The following B3GAT2 variants were observed in gnomAD, a reference collection of about 807,000 sequenced individuals.
B3GAT2 encodes the protein galactosylgalactosylxylosylprotein 3-beta-glucuronosyltransferase 2.
In B3GAT2, 26 loss-of-function variants were observed where a neutral mutation model predicts 27.8. That is an observed-to-expected ratio of 0.93 (90% CI 0.68 to 1.30). The LOEUF (loss-of-function observed/expected upper bound fraction) is 1.30. B3GAT2 is among the 50% of genes most tolerant of loss of function. The probability of loss-of-function intolerance (pLI) is 0.00; values close to 1 mark genes in which losing one functional copy is unlikely to be tolerated. For missense variants in B3GAT2, 458 were observed against 459.0 expected (o/e 1.00, Z 0.02); for synonymous variants, 218 against 195.1 (o/e 1.12, Z -0.98).
chr6:70,878,089 TAC>T (rs1485476688), intron 2 of B3GAT2, among the ~76,000 whole-genome samples: 1 of 152,248 alleles, frequency 6.6e-6, no homozygotes, highest in Non-Finnish European at 1.5e-5. Flanking sequence ...TATGGCCTGA[TAC>T]AGTTTCAATT....
chr6:70,947,430 C>A (rs1765507863), intron 1 of B3GAT2, among the ~76,000 whole-genome samples: 1 of 152,112 alleles, frequency 6.6e-6, no homozygotes, highest in Non-Finnish European at 1.5e-5. Context: ...ATAGAAACTA[C>A]CATCAGAGAA....
In B3GAT2 at chr6:70,956,990, G is replaced by C. The variant is rs1300190307; in HGVS notation, c.-561C>G. The C allele has an allele frequency of 3.0e-6, 3 of 999,532 alleles. No individual in the cohort carries two copies. The highest frequency in any genetic ancestry group is 3.6e-6 in the Non-Finnish European group (3 of 839,878). 61.9% of individuals were successfully genotyped at this position (999,532 alleles called of 1,614,324 possible). ...TGGGGGTTGTGTCCCGGCTGTGTTC[G>C]CGCGCCGCAGCGGAAGCCTGCTCTC... On this transcript the variant is annotated 5_prime_UTR_variant, in exon 1 of 4. Transcript: ENST00000230053.
chr6:70,920,288 A>C (rs1052002799), intron 1 of B3GAT2, among the ~76,000 whole-genome samples: 1 of 152,154 alleles, frequency 6.6e-6, no homozygotes, highest in Non-Finnish European at 1.5e-5. Context: ...AAAGTGCAGT[A>C]TTTGAGCAGG....
At chr6:70,870,814 A>G (rs2150023509) in intron 2 of B3GAT2, among the ~76,000 whole-genome samples, 1 of 152,230 alleles carries the variant, frequency 6.6e-6, no homozygotes, top group South Asian at 2.1e-4. Flanking sequence ...ATCTTGTCTT[A>G]TTCTTGATCT....
At chr6:70,940,058 G>A (rs975027590) in intron 1 of B3GAT2, among the ~76,000 whole-genome samples, 1 of 151,968 alleles carries the variant, frequency 6.6e-6, no homozygotes. Context: ...AACTGAAATG[G>A]AGGGTACAGG....
Position 70,859,166 on chromosome 6 carries a change from C to T in B3GAT2, c.*2497G>A. The T allele has an allele frequency of 1.9e-6, 1 of 525,942 alleles. No individual in the cohort carries two copies. Among genetic ancestry groups the T allele is most frequent in the Non-Finnish European group, 3.4e-6 (1 of 297,216 alleles). The allele number at this position is 525,942 out of a possible 1,614,324, so 32.6% of individuals were successfully genotyped here. On this transcript the variant is annotated 3_prime_UTR_variant, in exon 4 of 4. Coordinates refer to ENST00000230053, the MANE Select transcript of B3GAT2 (RefSeq NM_080742.3). The stretch of plus-strand genomic sequence containing the variant: ...ATATCACAGTTAATTTTGCTACCAC[C>T]ATTTACAAGAATATAGGTAAAACAT...
chr6:70,861,953 A>C lies in B3GAT2; in HGVS notation c.762T>G (p.Ile254Met). The C allele has an allele frequency of 1.2e-6, 2 of 1,613,516 alleles. No individual in the cohort carries two copies. The highest frequency in any genetic ancestry group is 1.7e-6 in the Non-Finnish European group (2 of 1,179,564). The change falls in exon 3 of 4, where the codon ATT becomes ATG. Residue 254 changes from isoleucine to methionine, a missense_variant. Physicochemically the swap from Ile to Met is conservative, Grantham distance 10 (BLOSUM62 1). Transcript: ENST00000230053. ...MAGFAVSLQVILSNPKAVFKR... is the reference protein window; with the variant it reads ...MAGFAVSLQVMLSNPKAVFKR... Reference sequence around the variant, plus strand: ...TAAATACAGCTTTTGGATTGGACAAAATGACTTGAAGACTTACAGCAAATC... The same window carrying C: ...TAAATACAGCTTTTGGATTGGACAACATGACTTGAAGACTTACAGCAAATC...
At chr6:70,943,700 T>TA (rs1765428085) in intron 1 of B3GAT2, among the ~76,000 whole-genome samples, 1 of 152,208 alleles carries the variant, frequency 6.6e-6, no homozygotes, top group African/African-American at 2.4e-5. Context: ...TGGCAGTTTT[T>TA]ATCTAGCTTG....
intron 2 of B3GAT2, among the ~76,000 whole-genome samples, chr6:70,874,319 G>A (rs1771980835): frequency 6.6e-6 from 1 of 152,168 alleles, no homozygotes; most frequent in African/African-American, 2.4e-5. Context: ...AGCTTAAGAG[G>A]TCAACTAAAT....
At chr6:70,864,978 G>A (rs1771826313) in intron 2 of B3GAT2, among the ~76,000 whole-genome samples, 1 of 152,134 alleles carries the variant, frequency 6.6e-6, no homozygotes, top group African/African-American at 2.4e-5. Context: ...TCACTGAGAA[G>A]GCAGGATTTC....
At chr6:70,903,123 T>C (rs894027971) in intron 1 of B3GAT2, among the ~76,000 whole-genome samples, 21 of 151,820 alleles carry the variant, frequency 1.4e-4, no homozygotes, top group African/African-American at 5.1e-4. Flanking sequence ...AATATAAATA[T>C]ATACCATTTT....
intron 1 of B3GAT2, among the ~76,000 whole-genome samples, chr6:70,943,789 A>C (rs1765431237): frequency 6.6e-6 from 1 of 152,150 alleles, no homozygotes; most frequent in African/African-American, 2.4e-5. Context: ...AAATATTATC[A>C]GGAGAAAAAA....
At chr6:70,927,562 A>G (rs1215179197) in intron 1 of B3GAT2, among the ~76,000 whole-genome samples, 1 of 152,226 alleles carries the variant, frequency 6.6e-6, no homozygotes, top group South Asian at 2.1e-4. Context: ...ACCAACAAAG[A>G]TCAAAAGAGA....
At chr6:70,879,328 A>C (rs1772063212) in intron 2 of B3GAT2, among the ~76,000 whole-genome samples, 1 of 152,080 alleles carries the variant, frequency 6.6e-6, no homozygotes, top group Admixed American at 6.5e-5. Context: ...ACCTTTCTCC[A>C]TTATTCTGTA....
rs1444076178 is a variant in B3GAT2 at position 70,857,022 on chromosome 6, G to A, written c.*4641C>T. ...GGCACAGGAACCATTCAACAGCAAA[G>A]TACTCCTGGTAATGAATTTTGATAT... On this transcript the variant is annotated 3_prime_UTR_variant, in exon 4 of 4. Transcript: ENST00000230053. 4.4e-6 allele frequency: 7 copies of A among 1,601,270 alleles called. No individual in the cohort carries two copies. The African/African-American group carries it at 9.4e-5, about 22-fold the overall frequency.
chr6:70,934,741 TA>T (rs1268659690), intron 1 of B3GAT2, among the ~76,000 whole-genome samples: 1 of 152,040 alleles, frequency 6.6e-6, no homozygotes, highest in East Asian at 1.9e-4. Flanking sequence ...CTTCTTTACG[TA>T]AAAAAAAGTT....
At chr6:70,900,091 T>C (rs1178029543) in intron 1 of B3GAT2, among the ~76,000 whole-genome samples, 1 of 152,188 alleles carries the variant, frequency 6.6e-6, no homozygotes, top group Non-Finnish European at 1.5e-5. Context: ...CCAAAAGCAC[T>C]CTCTTCCCAT....
intron 1 of B3GAT2, among the ~76,000 whole-genome samples, chr6:70,936,709 A>C (rs1264903112): frequency 1.3e-5 from 2 of 151,858 alleles, no homozygotes; most frequent in Non-Finnish European, 2.9e-5. Context: ...AACCAACGAG[A>C]ACAAAGACAC....
intron 1 of B3GAT2, among the ~76,000 whole-genome samples, chr6:70,901,063 G>C (rs1772490248): frequency 1.3e-5 from 2 of 152,062 alleles, no homozygotes; most frequent in South Asian, 2.1e-4. Flanking sequence ...TTGGAAGCAA[G>C]GATTCTTTCC....
Sources: allele counts gnomAD v4.1 joint callset (sites outside exome capture counted in the v4.1 genomes callset), GRCh38; gene constraint gnomAD v4.1.1; transcripts MANE v1.5; gene names NCBI Gene and HGNC (gene_info 2026-07-23, HGNC 2026-07-21).